GRM8: variants seen among roughly 807,000 people sequenced by gnomAD.
GRM8 encodes metabotropic glutamate receptor 8.
GRM8 carries 47 observed loss-of-function variants against 87.2 expected under a neutral mutation model. The ratio of observed to expected loss-of-function variants is 0.54; its 90% CI spans 0.43 to 0.69. The LOEUF (loss-of-function observed/expected upper bound fraction) is 0.69, where lower values mean the gene tolerates loss of function less well. Ranked by LOEUF, GRM8 falls within the 30% of genes least tolerant of loss-of-function variation. The pLI is 0.00. For synonymous variants in GRM8, 396 were observed against 404.5 expected (o/e 0.98, Z 0.25); for missense variants, 1,019 against 1,139.2 (o/e 0.89, Z 1.52).
intron 2 of GRM8, among the ~76,000 whole-genome samples, chr7:127,159,299 T>C (rs1401426877): frequency 6.6e-6 from 1 of 152,224 alleles, no homozygotes; most frequent in Non-Finnish European, 1.5e-5. Context: ...GGTAAAGTAC[T>C]TGTGAGCACA....
intron 2 of GRM8, among the ~76,000 whole-genome samples, chr7:127,177,865 A>G (rs1794205931): frequency 6.6e-6 from 1 of 152,168 alleles, no homozygotes; most frequent in African/African-American, 2.4e-5. Context: ...TCAGCCCTAG[A>G]TCTTCCCTCT....
intron 9 of GRM8, among the ~76,000 whole-genome samples, chr7:126,454,308 C>CTT (rs1802979940): frequency 6.6e-6 from 1 of 151,544 alleles, no homozygotes; most frequent in Admixed American, 6.6e-5. Flanking sequence ...AAATTTTAGG[C>CTT]TAAATAATAA....
chr7:126,856,293 G>A (rs1409160216), intron 6 of GRM8, among the ~76,000 whole-genome samples: 1 of 152,072 alleles, frequency 6.6e-6, no homozygotes. Context: ...TGCTGTCACT[G>A]TGATATCTGC....
rs372733476 is a variant in GRM8 at position 126,775,479 on chromosome 7, G to GTTTTTTTTTTTTTTTTT, written c.1157-5431_1157-5415dup. Among the ~76,000 whole-genome samples, 21 of 104,758 alleles carry GTTTTTTTTTTTTTTTTT rather than the reference G, an allele frequency of 2.0e-4. 2 individuals carry two copies. The highest frequency in any genetic ancestry group is 8.7e-4 in the African/African-American group (20 of 23,058). The allele number at this position is 104,758 out of a possible 152,430, so 68.7% of individuals were successfully genotyped here. The stretch of plus-strand genomic sequence containing the variant: ...TGAGCGCTATCAAGCTGACAAATAG[G>GTTTTTTTTTTTTTTTTT]TTTTTTTTTTTTTTTTTTTTTTTTT... On this transcript the variant is annotated intron_variant, in intron 6 of 10. Coordinates refer to ENST00000339582, the MANE Select transcript of GRM8 (RefSeq NM_000845.3).
At chr7:126,638,816 A>G (rs1294574476) in intron 7 of GRM8, among the ~76,000 whole-genome samples, 2 of 152,204 alleles carry the variant, frequency 1.3e-5, no homozygotes, top group African/African-American at 2.4e-5. Context: ...TCTCTCCCTG[A>G]ATATACTATA....
chr7:126,562,055 AT>A (rs1021503838), intron 8 of GRM8, among the ~76,000 whole-genome samples: 1 of 152,088 alleles, frequency 6.6e-6, no homozygotes, highest in Non-Finnish European at 1.5e-5. Context: ...ATAACATCTA[AT>A]TGACACAGTC....
At chr7:126,806,417 A>C (rs1346618413) in intron 6 of GRM8, among the ~76,000 whole-genome samples, 2 of 152,246 alleles carry the variant, frequency 1.3e-5, no homozygotes, top group Non-Finnish European at 2.9e-5. Context: ...GCGAAAGAAC[A>C]AAACCTCCAA....
At chr7:126,648,920 G>A (rs548905572) in intron 7 of GRM8, among the ~76,000 whole-genome samples, 5 of 152,306 alleles carry the variant, frequency 3.3e-5, no homozygotes, top group South Asian at 4.1e-4. Context: ...TCCCTACAGT[G>A]ATGATATAAT....
At chr7:126,478,419 T>C (rs1039976467) in intron 9 of GRM8, among the ~76,000 whole-genome samples, 4 of 152,090 alleles carry the variant, frequency 2.6e-5, no homozygotes, top group Admixed American at 1.3e-4. Context: ...GATAAGGAAA[T>C]CAACGATCAC....
intron 2 of GRM8, among the ~76,000 whole-genome samples, chr7:127,233,094 T>G (rs955241597): frequency 6.6e-6 from 1 of 152,174 alleles, no homozygotes; most frequent in East Asian, 1.9e-4. Flanking sequence ...CCTCCCAAAG[T>G]GCTGAGATTA....
intron 7 of GRM8, among the ~76,000 whole-genome samples, chr7:126,681,218 T>C (rs1807533251): frequency 1.3e-5 from 2 of 152,202 alleles, no homozygotes; most frequent in Non-Finnish European, 2.9e-5. Context: ...GCAGAATAGC[T>C]AGCCCACTAG....
At chr7:126,529,532 G>A (rs1214657428) in intron 9 of GRM8, among the ~76,000 whole-genome samples, 1 of 152,172 alleles carries the variant, frequency 6.6e-6, no homozygotes, top group Non-Finnish European at 1.5e-5. Context: ...AGAAAATCTG[G>A]TTTGAGATTT....
intron 2 of GRM8, among the ~76,000 whole-genome samples, chr7:127,168,885 G>A (rs1263521036): frequency 6.6e-6 from 1 of 151,930 alleles, no homozygotes; most frequent in Admixed American, 6.6e-5. Context: ...GGGAGGGATA[G>A]CATTAGGAGA....
intron 3 of GRM8, among the ~76,000 whole-genome samples, chr7:127,020,001 A>G (rs1488785429): frequency 6.6e-6 from 1 of 152,112 alleles, no homozygotes; most frequent in East Asian, 1.9e-4. Context: ...AGTAAAAGCT[A>G]GTAAAATTCA....
intron 7 of GRM8, among the ~76,000 whole-genome samples, chr7:126,613,054 C>T (rs1799079841): frequency 6.6e-6 from 1 of 152,156 alleles, no homozygotes; most frequent in Non-Finnish European, 1.5e-5. Flanking sequence ...TTAAATTAGG[C>T]TTGCAGTTGA....
At chr7:127,121,581 A>T (rs1021543009) in intron 2 of GRM8, among the ~76,000 whole-genome samples, 11 of 152,166 alleles carry the variant, frequency 7.2e-5, no homozygotes, top group Admixed American at 6.5e-4. Flanking sequence ...AATTTATGAA[A>T]AAAAGTCGTT....
chr7:127,061,147 C>T (rs903618709), intron 3 of GRM8, among the ~76,000 whole-genome samples: 1 of 152,120 alleles, frequency 6.6e-6, no homozygotes, highest in Non-Finnish European at 1.5e-5. Context: ...TGAACTGAAG[C>T]AAAATATCCA....
intron 8 of GRM8, among the ~76,000 whole-genome samples, chr7:126,549,429 T>G (rs1044446925): frequency 1.3e-5 from 2 of 152,006 alleles, no homozygotes; most frequent in Non-Finnish European, 2.9e-5. Flanking sequence ...CTAGTAAAAA[T>G]CTTTTAAAAA....
chr7:126,452,703 G>C (rs1347213396), intron 9 of GRM8, among the ~76,000 whole-genome samples: 1 of 151,604 alleles, frequency 6.6e-6, no homozygotes, highest in Non-Finnish European at 1.5e-5. Context: ...CAGTAAACTT[G>C]GTAATAATGG....
Sources: gnomAD v4.1 joint callset for allele counts (sites outside exome capture counted in the v4.1 genomes callset) on GRCh38, gnomAD v4.1.1 for gene constraint, MANE v1.5 for transcripts, NCBI Gene and HGNC (gene_info 2026-07-23, HGNC 2026-07-21) for gene names.